The following ZCCHC2 variants were observed in gnomAD, a reference collection of about 807,000 sequenced individuals.
ZCCHC2 encodes the protein zinc finger CCHC-type containing 2, also known as zinc finger CCHC domain-containing protein 2.
In ZCCHC2, 39 loss-of-function variants were observed where a neutral mutation model predicts 103.6. That is an observed-to-expected ratio of 0.38 (90% CI 0.29 to 0.49). The LOEUF (loss-of-function observed/expected upper bound fraction) is 0.49. Among genes scored for constraint, ZCCHC2 ranks in the 20% least tolerant of loss-of-function variants. The probability of loss-of-function intolerance (pLI) is 0.96; values close to 1 mark genes in which losing one functional copy is unlikely to be tolerated. For missense variants in ZCCHC2, 1,483 were observed against 1,491.0 expected, an observed-to-expected ratio of 0.99 and a Z score of 0.09; for synonymous variants, 687 against 608.9, an observed-to-expected ratio of 1.13 and a Z score of -1.89.
Position 62,524,329 on chromosome 18 carries a change from T to TAGAGCC in ZCCHC2, c.906_911dup (p.Glu303_Pro304dup). The TAGAGCC allele has an allele frequency of 1.3e-6, 2 of 1,542,320 alleles. No homozygotes were observed. Among genetic ancestry groups the TAGAGCC allele is most frequent in the Non-Finnish European group, 1.7e-6 (2 of 1,144,006 alleles). On this transcript the variant is annotated inframe_insertion, in exon 1 of 14. Transcript: ENST00000269499. ...GGCCCCGAGGACGCGGAGGTGGAGGTAGAGCCGTGCAAGTTTGCCGGCCCC... is the reference window on the plus strand; with the variant it reads ...GGCCCCGAGGACGCGGAGGTGGAGGTAGAGCCAGAGCCGTGCAAGTTTGCCGGCCCC...
At chr18:62,549,610 A>G (rs1915577968) in intron 4 of ZCCHC2, among the ~76,000 whole-genome samples, 1 of 152,238 alleles carries the variant, frequency 6.6e-6, no homozygotes, top group Admixed American at 6.5e-5. Context: ...TTTAAAACTG[A>G]ATTTTTCAAA....
At chr18:62,528,196 T>C (rs532453030) in intron 1 of ZCCHC2, among the ~76,000 whole-genome samples, 9 of 152,366 alleles carry the variant, frequency 5.9e-5, no homozygotes, top group East Asian at 5.8e-4. Flanking sequence ...TTATCCTATG[T>C]CTTTGTGTTA....
At chr18:62,543,252 T>C (rs1915275281) in intron 3 of ZCCHC2, among the ~76,000 whole-genome samples, 1 of 152,208 alleles carries the variant, frequency 6.6e-6, no homozygotes, top group Non-Finnish European at 1.5e-5. Flanking sequence ...AAATTTTGGC[T>C]GTCCCTCTCT....
intron 2 of ZCCHC2, among the ~76,000 whole-genome samples, chr18:62,541,886 T>C (rs8097285): frequency 0.092 from 13,975 of 152,230 alleles, 1,379 homozygotes; most frequent in African/African-American, 0.25. Flanking sequence ...AATTTATGTT[T>C]ACTATTTTAT....
chr18:62,536,019 T>G (rs1200229952), intron 1 of ZCCHC2, among the ~76,000 whole-genome samples: 1 of 152,244 alleles, frequency 6.6e-6, no homozygotes, highest in African/African-American at 2.4e-5. Flanking sequence ...TGTAGAATAT[T>G]GTTAGACGAA....
intron 2 of ZCCHC2, among the ~76,000 whole-genome samples, chr18:62,541,169 A>G (rs192934809): frequency 1.8e-4 from 28 of 152,252 alleles, no homozygotes; most frequent in South Asian, 6.2e-4. Flanking sequence ...CTCTTATCCT[A>G]TTGCACAGTT....
In ZCCHC2 at chr18:62,544,787, T is replaced by TG. The variant is rs750650574; in HGVS notation, c.1129-15_1129-14insG. The TG allele has an allele frequency of 1.8e-5, 28 of 1,534,150 alleles. No individual in the cohort carries two copies. In the South Asian group the frequency reaches 2.2e-4, roughly 12 times the overall value. Reference sequence around the variant, plus strand: ...AGGGAATAACCATATAATATGTGTGTTTTTTTTAAATCAGGTAAATTGGTC... The same window carrying TG: ...AGGGAATAACCATATAATATGTGTGTGTTTTTTTAAATCAGGTAAATTGGTC... On this transcript the variant is annotated splice_polypyrimidine_tract_variant and intron_variant, in intron 3 of 13. Transcript: ENST00000269499.
intron 4 of ZCCHC2, 109 bp downstream of exon 4, chr18:62,544,982 G>T (rs1915350687): frequency 5.7e-6 from 5 of 872,092 alleles, no homozygotes; most frequent in South Asian, 3.7e-5. Context: ...ATAAAGGTTG[G>T]CTCAGAACTC....
intron 6 of ZCCHC2, among the ~76,000 whole-genome samples, chr18:62,557,558 A>T (rs1174131442): frequency 6.6e-6 from 1 of 152,248 alleles, no homozygotes; most frequent in Non-Finnish European, 1.5e-5. Context: ...GTACAACTTC[A>T]TGATTAAATT....
chr18:62,544,687 A>G, intron 3 of ZCCHC2, 115 bp from the exon 4 acceptor site: 1 of 778,520 alleles, frequency 1.3e-6, no homozygotes, highest in Non-Finnish European at 2.0e-6. Context: ...TTATATTTCT[A>G]ACTGTTAATC....
chr18:62,563,081 T>G lies in ZCCHC2; in HGVS notation c.1623T>G (p.Asp541Glu). The G allele has an allele frequency of 6.2e-7, 1 of 1,613,994 alleles. No individual in the cohort carries two copies. The highest frequency in any genetic ancestry group is 8.5e-7 in the Non-Finnish European group (1 of 1,179,862). ...MQYSEQNGIV[D>E]WRKQSCTTIQ... ...ATTCTGAACAGAATGGAATTGTGGA[T>G]TGGAGGAAGCAAAGCTGTACCACCA... The change falls in exon 9 of 14, where the codon GAT (aspartate) becomes GAG (glutamate). Residue 541 changes from aspartate to glutamate, a missense_variant. Asp to Glu is a conservative substitution (Grantham distance 45). Around this residue, in one of 3 missense-constraint regions of ZCCHC2, gnomAD observed 884 missense variants for 907.5 expected, o/e 0.97. Coordinates refer to ENST00000269499, the MANE Select transcript of ZCCHC2 (RefSeq NM_017742.6).
chr18:62,548,245 A>G (rs555687919), intron 4 of ZCCHC2, among the ~76,000 whole-genome samples: 31 of 151,890 alleles, frequency 2.0e-4, no homozygotes, highest in African/African-American at 6.5e-4. Context: ...ATGATTTAAA[A>G]CTGTATATAT....
chr18:62,539,229 T>G (rs1016431660), intron 1 of ZCCHC2, among the ~76,000 whole-genome samples: 3 of 152,226 alleles, frequency 2.0e-5, no homozygotes, highest in Non-Finnish European at 2.9e-5. Context: ...TGTTTAGAAA[T>G]CCTTGGCATG....
At position 62,577,705 on chromosome 18, in the gene ZCCHC2, A is replaced by G. The variant is rs1348832682; in HGVS notation, c.*1126A>G. On this transcript the variant is annotated 3_prime_UTR_variant, in exon 14 of 14. Transcript: ENST00000269499. ...GGAATTCTGAGTGTGTTAAGATGGTATTAATCATGTCGGTGTCATGTCACT... is the reference window on the plus strand; with the variant it reads ...GGAATTCTGAGTGTGTTAAGATGGTGTTAATCATGTCGGTGTCATGTCACT... 2 of 152,516 alleles carry G rather than the reference A, an allele frequency of 1.3e-5. No homozygotes were observed. Among genetic ancestry groups the G allele is most frequent in the African/African-American group, 4.8e-5 (2 of 41,388 alleles). 9.4% of individuals were successfully genotyped at this position (152,516 alleles called of 1,614,324 possible). A position where few individuals can be genotyped will look rare whatever the true frequency, so the allele number is the denominator to read the frequency against.
Position 62,558,768 on chromosome 18 carries a change from A to G in ZCCHC2, c.1490A>G (p.Glu497Gly), listed in dbSNP as rs1352755897. The G allele has an allele frequency of 2.6e-6, 4 of 1,538,256 alleles. No homozygotes were observed. The highest frequency in any genetic ancestry group is 3.5e-6 in the Non-Finnish European group (4 of 1,139,422). ...AGCTCTGAAGCTTCAAGTCAAGAAG[A>G]AGGTAAAGGTAGATTCACTAGAGTA... Reference protein sequence around the residue: ...EDSSEASSQEEDVLQHAIIHK... With the variant: ...EDSSEASSQEGDVLQHAIIHK... The change falls in exon 7 of 14, where the codon GAA becomes GGA. Residue 497 changes from glutamate (E) to glycine (G), a missense_variant and splice_region_variant. Physicochemically the swap from Glu to Gly is moderately conservative, Grantham distance 98. Transcript: ENST00000269499.
In ZCCHC2 at chr18:62,524,103, G is replaced by A; in HGVS notation, c.679G>A (p.Gly227Ser). 1 of 1,521,316 alleles carries A rather than the reference G, an allele frequency of 6.6e-7. No homozygotes were observed. The highest frequency in any genetic ancestry group is 8.8e-7 in the Non-Finnish European group (1 of 1,139,594). The allele number at this position is 1,521,316 out of a possible 1,614,324, so 94.2% of individuals were successfully genotyped here. A position where few individuals can be genotyped will look rare whatever the true frequency, so the allele number is the denominator to read the frequency against. Residue 227 changes from glycine (G) to serine (S), a missense_variant, in exon 1 of 14, where the codon GGC (glycine) becomes AGC (serine). Gly to Ser is a moderately conservative substitution (Grantham distance 56). Coordinates refer to ENST00000269499, the MANE Select transcript of ZCCHC2 (RefSeq NM_017742.6). ...AEDERGEDGD[G>S]EQDAEKDGSG... ...GGACGAGCGCGGCGAGGACGGCGAC[G>A]GCGAGCAGGACGCCGAGAAGGACGG... is the stretch of plus-strand genomic sequence containing the variant.
chr18:62,529,575 G>A (rs916472210), intron 1 of ZCCHC2, among the ~76,000 whole-genome samples: 3 of 152,158 alleles, frequency 2.0e-5, no homozygotes, highest in Admixed American at 2.0e-4. Flanking sequence ...AGTTATAAAA[G>A]CCATTTGGAA....
At chr18:62,573,583 G>T (rs1916675088) in intron 12 of ZCCHC2, among the ~76,000 whole-genome samples, 1 of 152,006 alleles carries the variant, frequency 6.6e-6, no homozygotes, top group South Asian at 2.1e-4. Context: ...AACAACAAAA[G>T]AAAACTCTTC....
chr18:62,558,740 G>T lies in ZCCHC2; in HGVS notation c.1462G>T (p.Asp488Tyr), dbSNP rs1915993945. The T allele has an allele frequency of 6.5e-7, 1 of 1,548,044 alleles. No homozygotes were observed. Among genetic ancestry groups the T allele is most frequent in the African/African-American group, 1.4e-5 (1 of 72,912 alleles). Residue 488 changes from aspartate (D) to tyrosine (Y), a missense_variant, in exon 7 of 14, where the codon GAC (aspartate) becomes TAC (tyrosine). Coordinates refer to ENST00000269499, the MANE Select transcript of ZCCHC2 (RefSeq NM_017742.6). ...TAAGATATTAGAACACTTAAAAGAAGACAGCTCTGAAGCTTCAAGTCAAGA... is the reference window on the plus strand; with the variant it reads ...TAAGATATTAGAACACTTAAAAGAATACAGCTCTGAAGCTTCAAGTCAAGA... ...TSKILEHLKE[D>Y]SSEASSQEED... is the part of the protein sequence containing the mutation.
Sources: allele counts gnomAD v4.1 joint callset (sites outside exome capture counted in the v4.1 genomes callset), GRCh38; gene constraint gnomAD v4.1.1; regional missense constraint gnomAD v4.1.1; transcripts MANE v1.5; gene names NCBI Gene and HGNC (gene_info 2026-07-23, HGNC 2026-07-21).